ITSN1: variants seen among roughly 807,000 people sequenced by gnomAD.
The protein encoded by ITSN1 is intersectin-1.
Under a neutral mutation model 239.8 loss-of-function variants are expected in ITSN1, and 58 were observed. That is an observed-to-expected ratio of 0.24 (90% CI 0.20 to 0.30). ITSN1 has a LOEUF of 0.30. Among genes scored for constraint, ITSN1 ranks in the 10% least tolerant of loss-of-function variants. The pLI is 1.00. For synonymous variants in ITSN1, 780 were observed against 770.8 expected, an observed-to-expected ratio of 1.01 and a Z score of -0.20; for missense variants, 1,558 against 2,103.3, an observed-to-expected ratio of 0.74 and a Z score of 5.07.
intron 8 of ITSN1, 84 bp downstream of exon 8, chr21:33,755,481 A>G (rs552369783): frequency 2.8e-6 from 2 of 726,806 alleles, no homozygotes; most frequent in African/African-American, 3.6e-5. Flanking sequence ...GATATTTTCC[A>G]TGTCTGTGTG....
intron 4 of ITSN1, among the ~76,000 whole-genome samples, chr21:33,733,842 C>A (rs1356643605): frequency 1.3e-5 from 2 of 152,166 alleles, no homozygotes; most frequent in Non-Finnish European, 2.9e-5. Flanking sequence ...AGCTTTGTTT[C>A]CTGCGTTATG....
chr21:33,872,586 C>T (rs1982939231), intron 33 of ITSN1, among the ~76,000 whole-genome samples: 1 of 152,076 alleles, frequency 6.6e-6, no homozygotes, highest in African/African-American at 2.4e-5. Context: ...GTCTGGAGTG[C>T]AGTGGCACGA....
intron 29 of ITSN1, among the ~76,000 whole-genome samples, chr21:33,839,383 G>A (rs1250659136): frequency 6.6e-6 from 1 of 152,202 alleles, no homozygotes; most frequent in Non-Finnish European, 1.5e-5. Context: ...AGGGGGTGGG[G>A]CGGGGAGTGC....
chr21:33,665,323 C>G (rs924290701), intron 1 of ITSN1, among the ~76,000 whole-genome samples: 2 of 152,012 alleles, frequency 1.3e-5, no homozygotes, highest in African/African-American at 4.8e-5. Flanking sequence ...GGGCAAAGAC[C>G]TGAGTAGGCA....
At chr21:33,816,974 G>A (rs2073318924) in intron 22 of ITSN1, among the ~76,000 whole-genome samples, 1 of 152,122 alleles carries the variant, frequency 6.6e-6, no homozygotes, top group South Asian at 2.1e-4. Flanking sequence ...CATAGATGCT[G>A]AAACTATTTG....
At chr21:33,817,796 T>C (rs562818908) in intron 22 of ITSN1, 69 of 486,356 alleles carry the variant, frequency 1.4e-4, no homozygotes, top group African/African-American at 1.4e-3. Flanking sequence ...ATAATCCAGA[T>C]AGGGCCTATT....
At chr21:33,782,617 T>G (rs939866986) in intron 16 of ITSN1, among the ~76,000 whole-genome samples, 2 of 152,234 alleles carry the variant, frequency 1.3e-5, no homozygotes, top group African/African-American at 4.8e-5. Context: ...TTGTCACATT[T>G]GCACAGTAAA....
intron 1 of ITSN1, among the ~76,000 whole-genome samples, chr21:33,703,281 T>C (rs2092109168): frequency 6.6e-6 from 1 of 152,020 alleles, no homozygotes; most frequent in Non-Finnish European, 1.5e-5. Flanking sequence ...ATATCAACAT[T>C]AGGGATTTTA....
chr21:33,776,386 T>TAAAA (rs577351835), intron 14 of ITSN1, among the ~76,000 whole-genome samples: 2 of 126,194 alleles, frequency 1.6e-5, no homozygotes, highest in African/African-American at 6.1e-5. Flanking sequence ...ACCCCATCTC[T>TAAAA]AAAAAAAAAA....
intron 1 of ITSN1, among the ~76,000 whole-genome samples, chr21:33,696,896 T>C (rs925488897): frequency 6.6e-6 from 1 of 152,162 alleles, no homozygotes. Context: ...GGTATACAAT[T>C]TAAATACCCA....
At chr21:33,714,665 A>AT (rs2065038261) in intron 1 of ITSN1, among the ~76,000 whole-genome samples, 1 of 152,176 alleles carries the variant, frequency 6.6e-6, no homozygotes, top group South Asian at 2.1e-4. Flanking sequence ...GTCTATTTTA[A>AT]TGCCTTCAGT....
intron 31 of ITSN1, 117 bp downstream of exon 31, chr21:33,858,909 T>C (rs1053619836): frequency 1.8e-6 from 1 of 549,826 alleles, no homozygotes; most frequent in Non-Finnish European, 3.2e-6. Context: ...TCTGGCTTTT[T>C]TTTTTTCTTC....
At chr21:33,685,316 G>A (rs79293808) in intron 1 of ITSN1, among the ~76,000 whole-genome samples, 1,559 of 152,216 alleles carry the variant, frequency 0.01, 28 homozygotes, top group African/African-American at 0.035. Flanking sequence ...AAATAGGGAC[G>A]TATTTGCAAG....
Position 33,823,550 on chromosome 21 carries a change from A to T in ITSN1, c.3080A>T (p.Asp1027Val). The part of the protein sequence containing the change: ...EQGDLTFQQG[D>V]VILVTKKDGD... ...GGAGATTTAACCTTTCAGCAAGGGGATGTGATTTTGGTTACCAAGAAAGAT... is the reference window on the plus strand; with the variant it reads ...GGAGATTTAACCTTTCAGCAAGGGGTTGTGATTTTGGTTACCAAGAAAGAT... Residue 1027 changes from aspartate (D) to valine (V), a missense_variant, in exon 25 of 40, where the codon GAT (aspartate) becomes GTT (valine). Coordinates refer to ENST00000381318, the MANE Select transcript of ITSN1 (RefSeq NM_003024.3). The T allele has an allele frequency of 6.2e-7, 1 of 1,614,080 alleles. No homozygotes were observed. The highest frequency in any genetic ancestry group is 8.5e-7 in the Non-Finnish European group (1 of 1,179,956).
Position 33,896,543 on chromosome 21 carries a change from T to C in ITSN1, c.*8243T>C, listed in dbSNP as rs963498900. The C allele has an allele frequency of 2.0e-5, 3 of 152,254 alleles. No individual in the cohort carries two copies. The highest frequency in any genetic ancestry group is 4.4e-5 in the Non-Finnish European group (3 of 68,094). The allele number at this position is 152,254 out of a possible 1,614,324, so 9.4% of individuals were successfully genotyped here. A position where few individuals can be genotyped will look rare whatever the true frequency, so the allele number is the denominator to read the frequency against. The stretch of plus-strand genomic sequence containing the variant: ...TGCCCAGCTGGGCCACACGATCTGG[T>C]CTGCGGGTGTCTGGGAGGAACCTGC... On this transcript the variant is annotated 3_prime_UTR_variant, in exon 40 of 40. Coordinates refer to ENST00000381318, the MANE Select transcript of ITSN1 (RefSeq NM_003024.3).
intron 29 of ITSN1, among the ~76,000 whole-genome samples, chr21:33,846,444 A>C (rs965227792): frequency 6.6e-6 from 1 of 152,146 alleles, no homozygotes; most frequent in Non-Finnish European, 1.5e-5. Context: ...GCAGGGCCCA[A>C]ATCTTGTGGT....
intron 5 of ITSN1, among the ~76,000 whole-genome samples, chr21:33,736,761 G>C (rs2066529372): frequency 6.6e-6 from 1 of 152,220 alleles, no homozygotes; most frequent in Non-Finnish European, 1.5e-5. Flanking sequence ...CAAAGCAGGA[G>C]GATTGCTTGG....
At chr21:33,724,427 T>C (rs2065692218) in intron 4 of ITSN1, among the ~76,000 whole-genome samples, 1 of 152,180 alleles carries the variant, frequency 6.6e-6, no homozygotes, top group Non-Finnish European at 1.5e-5. Context: ...AATGTGAAAG[T>C]TTAAACGCAA....
intron 22 of ITSN1, chr21:33,817,681 C>A: frequency 1.7e-6 from 2 of 1,171,594 alleles, no homozygotes; most frequent in Non-Finnish European, 2.2e-6. Flanking sequence ...TTTTTTTCAT[C>A]TGTAATCTCA....
Sources: allele counts gnomAD v4.1 joint callset (sites outside exome capture counted in the v4.1 genomes callset), GRCh38; gene constraint gnomAD v4.1.1; transcripts MANE v1.5; gene names NCBI Gene and HGNC (gene_info 2026-07-23, HGNC 2026-07-21).